The following TAS2R1 variants were observed in gnomAD, a reference collection of about 807,000 sequenced individuals.
TAS2R1 encodes the protein taste receptor type 2 member 1.
For missense variants in TAS2R1, 370 were observed against 353.4 expected, an observed-to-expected ratio of 1.05 and a Z score of -0.38; for synonymous variants, 141 against 134.2, an observed-to-expected ratio of 1.05 and a Z score of -0.35.
At chr5:9,774,297 G>A in the TAS2R1 span, among the ~76,000 whole-genome samples, 1 of 152,130 alleles carries the variant, frequency 6.6e-6, no homozygotes, top group Admixed American at 6.5e-5. Flanking sequence ...TCTTTGTTAG[G>A]TTTATCCGAT....
At chr5:9,835,051 C>A in the TAS2R1 span, among the ~76,000 whole-genome samples, 1 of 152,218 alleles carries the variant, frequency 6.6e-6, no homozygotes, top group Non-Finnish European at 1.5e-5. Flanking sequence ...CCCCTAGGGG[C>A]ACGGCAGCAG....
At chr5:9,813,630 T>C in the TAS2R1 span, among the ~76,000 whole-genome samples, 4 of 152,232 alleles carry the variant, frequency 2.6e-5, no homozygotes, top group Non-Finnish European at 5.9e-5. Context: ...TTTGGGTCTC[T>C]TTGTTACAGT....
the TAS2R1 span, among the ~76,000 whole-genome samples, chr5:9,883,763 C>T: frequency 6.6e-6 from 1 of 152,116 alleles, no homozygotes; most frequent in Admixed American, 6.6e-5. Context: ...AGCTGTGGGT[C>T]CAGTGGCCAG....
At chr5:9,773,171 T>G in the TAS2R1 span, among the ~76,000 whole-genome samples, 2 of 152,090 alleles carry the variant, frequency 1.3e-5, no homozygotes, top group African/African-American at 4.8e-5. Context: ...TTTTTGTGTG[T>G]ATCTGTCATA....
At chr5:9,690,216 GAATA>G (rs149897484) in intron 1 of TAS2R1, among the ~76,000 whole-genome samples, 4,771 of 152,236 alleles carry the variant, frequency 0.031, 93 homozygotes, top group African/African-American at 0.057. Context: ...GTAATTTCTG[GAATA>G]TATATGCCCC....
At chr5:9,794,677 GT>G in the TAS2R1 span, among the ~76,000 whole-genome samples, 1 of 152,116 alleles carries the variant, frequency 6.6e-6, no homozygotes, top group Non-Finnish European at 1.5e-5. Flanking sequence ...TTACTAAAAT[GT>G]TTTTTCTTAA....
intron 1 of TAS2R1, among the ~76,000 whole-genome samples, chr5:9,705,731 A>T (rs960105908): frequency 6.6e-6 from 1 of 152,170 alleles, no homozygotes; most frequent in Non-Finnish European, 1.5e-5. Flanking sequence ...ATCGTGGTGC[A>T]TGTCGGTAAT....
At chr5:9,637,292 G>A (rs936385778) in intron 2 of TAS2R1, among the ~76,000 whole-genome samples, 2 of 152,176 alleles carry the variant, frequency 1.3e-5, no homozygotes, top group Non-Finnish European at 2.9e-5. Context: ...TTGCTGAGAA[G>A]TCTGCTGTTA....
chr5:9,753,010 C>T, the TAS2R1 span, among the ~76,000 whole-genome samples: 130 of 152,226 alleles, frequency 8.5e-4, no homozygotes, highest in African/African-American at 2.8e-3. Flanking sequence ...AATAAACATA[C>T]GTGTGCATGT....
In TAS2R1 at chr5:9,629,391, G is replaced by A. The variant is rs1467422330; in HGVS notation, c.642C>T (p.Gly214=). 2 of 1,614,048 alleles carry A rather than the reference G, an allele frequency of 1.2e-6. No homozygotes were observed. The change falls in exon 1 of 1, where the codon GGC becomes GGT. Residue 214 remains glycine, a synonymous_variant. Transcript: ENST00000382492. ...HTRQMRNTVA[G]SRVPGRGAPI... is the part of the protein sequence containing the mutation. ...GTGCACCCCTGCCAGGAACCCTGCT[G>A]CCGGCCACTGTGTTTCTCATTTGCC... is the stretch of plus-strand genomic sequence containing the variant.
the TAS2R1 span, among the ~76,000 whole-genome samples, chr5:9,726,925 C>T: frequency 1.6e-4 from 24 of 152,358 alleles, no homozygotes; most frequent in East Asian, 3.3e-3. Context: ...GGTTTACCTA[C>T]GGATGGAGTT....
intron 2 of TAS2R1, among the ~76,000 whole-genome samples, chr5:9,644,943 CCTT>C (rs1373739477): frequency 2.6e-5 from 4 of 151,746 alleles, no homozygotes; most frequent in Non-Finnish European, 5.9e-5. Context: ...AATTTTTCCT[CCTT>C]CTAAGGAAGA....
At chr5:9,739,304 C>T in the TAS2R1 span, among the ~76,000 whole-genome samples, 3 of 152,136 alleles carry the variant, frequency 2.0e-5, no homozygotes, top group African/African-American at 7.3e-5. Flanking sequence ...GTCCCTCCGT[C>T]ACCTTCCCCA....
chr5:9,793,128 C>T, the TAS2R1 span, among the ~76,000 whole-genome samples: 14 of 152,140 alleles, frequency 9.2e-5, no homozygotes, highest in African/African-American at 3.4e-4. Flanking sequence ...CAGCAAAACA[C>T]GGTCCTAAAA....
At chr5:9,786,028 T>A in the TAS2R1 span, among the ~76,000 whole-genome samples, 1 of 152,270 alleles carries the variant, frequency 6.6e-6, no homozygotes, top group Non-Finnish European at 1.5e-5. Flanking sequence ...TGCAGAGAAC[T>A]GTCCTAATTT....
At chr5:9,868,996 C>T in the TAS2R1 span, among the ~76,000 whole-genome samples, 1 of 152,282 alleles carries the variant, frequency 6.6e-6, no homozygotes, top group African/African-American at 2.4e-5. Flanking sequence ...TGGTCAAAGC[C>T]ATTCAATAAG....
chr5:9,776,483 T>G, the TAS2R1 span, among the ~76,000 whole-genome samples: 1 of 152,212 alleles, frequency 6.6e-6, no homozygotes, highest in Non-Finnish European at 1.5e-5. Flanking sequence ...CCAGAGTAAT[T>G]TGGTGTTTCT....
At chr5:9,810,799 T>C in the TAS2R1 span, among the ~76,000 whole-genome samples, 2 of 152,108 alleles carry the variant, frequency 1.3e-5, no homozygotes, top group South Asian at 4.1e-4. Flanking sequence ...CTGATGAGAA[T>C]GGAACCTTGC....
chr5:9,778,391 G>A, the TAS2R1 span, among the ~76,000 whole-genome samples: 2 of 152,136 alleles, frequency 1.3e-5, no homozygotes, highest in African/African-American at 4.8e-5. Context: ...AATGGTAAAT[G>A]AGCCCTGGCT....
Sources: gnomAD v4.1 joint callset for allele counts (sites outside exome capture counted in the v4.1 genomes callset) on GRCh38, gnomAD v4.1.1 for gene constraint, MANE v1.5 for transcripts, NCBI Gene and HGNC (gene_info 2026-07-23, HGNC 2026-07-21) for gene names.